CEP83: variants seen among roughly 807,000 people sequenced by gnomAD.
CEP83 encodes centrosomal protein of 83 kDa.
CEP83 carries 70 observed loss-of-function variants against 101.9 expected under a neutral mutation model. That is an observed-to-expected ratio of 0.69 (90% CI 0.57 to 0.84). The LOEUF (loss-of-function observed/expected upper bound fraction) is 0.84. Among genes scored for constraint, CEP83 ranks in the 40% least tolerant of loss-of-function variants. The probability of loss-of-function intolerance (pLI) is 0.00; values close to 1 mark genes in which losing one functional copy is unlikely to be tolerated. For missense variants in CEP83, 715 were observed against 787.2 expected, an observed-to-expected ratio of 0.91 and a Z score of 1.10; for synonymous variants, 264 against 267.9, an observed-to-expected ratio of 0.99 and a Z score of 0.14.
In CEP83 at chr12:94,400,145, A is replaced by G. The variant is rs1442072384; in HGVS notation, c.549+705T>C. On this transcript the variant is annotated intron_variant, in intron 6 of 16. Coordinates refer to ENST00000397809, the MANE Select transcript of CEP83 (RefSeq NM_016122.3). ...TGTAAACAGAATATTTCACATAACT[A>G]TAGATACCAACCTATTTTTTATGAA... Among the ~76,000 whole-genome samples, 3 of 152,386 alleles carry G rather than the reference A, an allele frequency of 2.0e-5. No individual in the cohort carries two copies. In the East Asian group the frequency reaches 5.8e-4, roughly 29 times the overall value.
At chr12:94,382,463 G>A (rs972426463) in intron 6 of CEP83, among the ~76,000 whole-genome samples, 3 of 151,484 alleles carry the variant, frequency 2.0e-5, no homozygotes, top group African/African-American at 7.3e-5. Flanking sequence ...TCTAATGCAT[G>A]TATTTAGTGC....
At chr12:94,420,558 G>A (rs572028326) in intron 2 of CEP83, among the ~76,000 whole-genome samples, 1 of 152,134 alleles carries the variant, frequency 6.6e-6, no homozygotes, top group African/African-American at 2.4e-5. Context: ...AAAACCTTAT[G>A]AGAGTTTGTT....
downstream of CEP83, chr12:94,305,287 C>T (rs1309883818): frequency 6.3e-7 from 1 of 1,579,248 alleles, no homozygotes; most frequent in African/African-American, 1.4e-5. Context: ...TGGATGTAAG[C>T]ACTCTGGGGC....
chr12:94,316,328 C>T (rs546854025), intron 14 of CEP83, among the ~76,000 whole-genome samples: 4 of 152,054 alleles, frequency 2.6e-5, no homozygotes, highest in Non-Finnish European at 4.4e-5. Context: ...TGACTTCGTA[C>T]TTAGAAATTT....
At chr12:94,275,575 C>T in the CEP83 span, among the ~76,000 whole-genome samples, 1 of 141,080 alleles carries the variant, frequency 7.1e-6, no homozygotes, top group African/African-American at 2.7e-5. Flanking sequence ...GCTGTTTGGC[C>T]GGGCGCGGTG....
intron 8 of CEP83, among the ~76,000 whole-genome samples, chr12:94,372,709 A>C (rs747042927): frequency 6.6e-6 from 1 of 152,238 alleles, no homozygotes; most frequent in African/African-American, 2.4e-5. Flanking sequence ...TAACTAAACT[A>C]CAATTATTGA....
At chr12:94,294,600 T>C in the CEP83 span, 1 of 759,884 alleles carries the variant, frequency 1.3e-6, no homozygotes, top group Non-Finnish European at 2.3e-6. Context: ...GTATTGCTTT[T>C]TGCCTCTCTC....
At chr12:94,296,745 A>G in the CEP83 span, among the ~76,000 whole-genome samples, 1 of 152,236 alleles carries the variant, frequency 6.6e-6, no homozygotes, top group South Asian at 2.1e-4. Flanking sequence ...TCTTTAGCAT[A>G]TAATTCTCCT....
At chr12:94,335,978 GA>G in intron 11 of CEP83, 1 of 222,016 alleles carries the variant, frequency 4.5e-6, no homozygotes, top group Non-Finnish European at 8.7e-6. Context: ...ACAACAGCCT[GA>G]AAAAGTGGCC....
downstream of CEP83, chr12:94,305,830 AGTGTGT>A (rs368765390): frequency 6.6e-6 from 1 of 152,110 alleles, no homozygotes; most frequent in African/African-American, 2.4e-5. Context: ...AGCATTTGTG[AGTGTGT>A]GTGTGTGTTT....
intron 11 of CEP83, among the ~76,000 whole-genome samples, chr12:94,343,513 C>A (rs1467799426): frequency 8.8e-6 from 1 of 113,180 alleles, no homozygotes; most frequent in East Asian, 2.6e-4. Context: ...GACGGAGTCT[C>A]GCTCTGTCGC....
At chr12:94,452,878 G>C (rs927156171) in intron 1 of CEP83, among the ~76,000 whole-genome samples, 1 of 152,108 alleles carries the variant, frequency 6.6e-6, no homozygotes, top group African/African-American at 2.4e-5. Flanking sequence ...TAAGTAACTG[G>C]TTCAAAAAGT....
chr12:94,330,147 G>A (rs1216440520), intron 14 of CEP83, among the ~76,000 whole-genome samples: 1 of 152,140 alleles, frequency 6.6e-6, no homozygotes, highest in African/African-American at 2.4e-5. Flanking sequence ...TTAAGATAAT[G>A]GTTCCTGCAC....
intron 6 of CEP83, among the ~76,000 whole-genome samples, 180 bp downstream of exon 6, chr12:94,400,670 A>G (rs1034960427): frequency 6.6e-6 from 1 of 152,226 alleles, no homozygotes; most frequent in Non-Finnish European, 1.5e-5. Flanking sequence ...ATCTACACCC[A>G]AAACAGAACT....
At chr12:94,282,593 C>T in the CEP83 span, among the ~76,000 whole-genome samples, 6 of 152,222 alleles carry the variant, frequency 3.9e-5, no homozygotes, top group African/African-American at 7.2e-5. Context: ...GTACTTGTCA[C>T]GTATTCCCTT....
chr12:94,276,076 T>A, the CEP83 span, among the ~76,000 whole-genome samples: 7 of 152,348 alleles, frequency 4.6e-5, no homozygotes, highest in South Asian at 1.4e-3. Flanking sequence ...TTCTTTTGGT[T>A]ATGTTTTTAA....
intron 2 of CEP83, among the ~76,000 whole-genome samples, chr12:94,417,559 C>A (rs2064376164): frequency 6.6e-6 from 1 of 152,048 alleles, no homozygotes; most frequent in East Asian, 1.9e-4. Flanking sequence ...GAGGCCGAGG[C>A]AGGTGGATCA....
intron 11 of CEP83, among the ~76,000 whole-genome samples, chr12:94,339,104 A>G (rs2059572534): frequency 6.6e-6 from 1 of 152,022 alleles, no homozygotes; most frequent in Non-Finnish European, 1.5e-5. Context: ...AGCTGGGATT[A>G]CAGGCATCCA....
intron 4 of CEP83, among the ~76,000 whole-genome samples, chr12:94,405,422 A>G (rs914492515): frequency 6.6e-6 from 1 of 152,244 alleles, no homozygotes; most frequent in African/African-American, 2.4e-5. Context: ...AACATTGAGG[A>G]AAAAAGTGGA....
Sources: gnomAD v4.1 joint callset for allele counts (sites outside exome capture counted in the v4.1 genomes callset) on GRCh38, gnomAD v4.1.1 for gene constraint, MANE v1.5 for transcripts, NCBI Gene and HGNC (gene_info 2026-07-23, HGNC 2026-07-21) for gene names.